Variants in EFCAB3 observed in about 807,000 individuals in gnomAD.
EFCAB3 encodes the protein EF-hand calcium binding domain 3, also known as EF-hand calcium-binding domain-containing protein 3.
A neutral mutation model predicts 42.2 loss-of-function variants in EFCAB3; 36 were observed. The ratio of observed to expected loss-of-function variants is 0.85; its 90% CI spans 0.65 to 1.13. EFCAB3 has a LOEUF of 1.13. Among genes scored for constraint, EFCAB3 ranks in the 50% most tolerant of loss-of-function variants. The probability of loss-of-function intolerance (pLI) is 0.00; values close to 1 mark genes in which losing one functional copy is unlikely to be tolerated. For synonymous variants in EFCAB3, 170 were observed against 172.8 expected (o/e 0.98, Z 0.13); for missense variants, 418 against 505.1 (o/e 0.83, Z 1.65).
intron 6 of EFCAB3, among the ~76,000 whole-genome samples, chr17:62,396,959 T>C (rs1809081): frequency 0.062 from 9,379 of 152,240 alleles, 976 homozygotes; most frequent in East Asian, 0.45. Flanking sequence ...CTAATTAGTA[T>C]ATACTATCAT....
intron 1 of EFCAB3, among the ~76,000 whole-genome samples, chr17:62,370,642 G>A (rs1402725341): frequency 1.3e-5 from 2 of 150,748 alleles, no homozygotes; most frequent in African/African-American, 2.4e-5. Context: ...GGCAACAAGA[G>A]CGAAACTCTG....
Position 62,394,495 on chromosome 17 carries a change from T to A in EFCAB3, c.368-573T>A, listed in dbSNP as rs150819362. Among the ~76,000 whole-genome samples, 426 of 152,324 alleles carry A rather than the reference T, an allele frequency of 2.8e-3. 2 individuals carry two copies. Among genetic ancestry groups the A allele is most frequent in the Non-Finnish European group, 4.4e-3 (297 of 68,036 alleles). ...TAAGGTGTCACGTGCTTCCACTAAC[T>A]AATAGAAAATAATTTTTCTATTATT... is the stretch of plus-strand genomic sequence containing the variant. On this transcript the variant is annotated intron_variant, in intron 5 of 9. Transcript: ENST00000305286.
At position 62,383,272 on chromosome 17, in the gene EFCAB3, G is replaced by A. The variant is rs868015897; in HGVS notation, c.74+219G>A. The A allele has an allele frequency of 1.8e-4, 70 of 391,852 alleles. 1 individual carries two copies. In the South Asian group the frequency reaches 2.9e-3, roughly 16 times the overall value. The allele number at this position is 391,852 out of a possible 1,614,324, so 24.3% of individuals were successfully genotyped here. A position where few individuals can be genotyped will look rare whatever the true frequency, so the allele number is the denominator to read the frequency against. ...GGGCGGATCATGAGGTCAAGAGATCGAGACCATCCTGGCCAACATGGTGAA... is the reference window on the plus strand; with the variant it reads ...GGGCGGATCATGAGGTCAAGAGATCAAGACCATCCTGGCCAACATGGTGAA... On this transcript the variant is annotated intron_variant, in intron 2 of 9. Coordinates refer to ENST00000305286, the MANE Select transcript of EFCAB3 (RefSeq NM_173503.4).
intron 8 of EFCAB3, among the ~76,000 whole-genome samples, chr17:62,408,830 G>C (rs1472929505): frequency 6.6e-6 from 1 of 152,130 alleles, no homozygotes; most frequent in Non-Finnish European, 1.5e-5. Context: ...GACTAGACGT[G>C]CTCTCACATC....
intron 9 of EFCAB3, among the ~76,000 whole-genome samples, chr17:62,415,064 A>G (rs1234612373): frequency 6.6e-6 from 1 of 151,960 alleles, no homozygotes; most frequent in Non-Finnish European, 1.5e-5. Context: ...AGATCGTACT[A>G]CTGCAGTCCA....
chr17:62,414,600 T>C (rs1222268441), intron 9 of EFCAB3, among the ~76,000 whole-genome samples: 1 of 152,088 alleles, frequency 6.6e-6, no homozygotes, highest in Non-Finnish European at 1.5e-5. Context: ...TGTGTGTGTG[T>C]GTGTGTGTGT....
At chr17:62,389,216 G>T (rs902894959) in intron 3 of EFCAB3, among the ~76,000 whole-genome samples, 4 of 152,244 alleles carry the variant, frequency 2.6e-5, no homozygotes, top group African/African-American at 9.6e-5. Flanking sequence ...GTCCCTAGTT[G>T]TCTGGTACCT....
At chr17:62,372,395 C>T (rs1441327014) in intron 1 of EFCAB3, among the ~76,000 whole-genome samples, 1 of 152,050 alleles carries the variant, frequency 6.6e-6, no homozygotes, top group East Asian at 1.9e-4. Flanking sequence ...TGTCCTCCTA[C>T]CTCAGCCTCC....
intron 9 of EFCAB3, among the ~76,000 whole-genome samples, chr17:62,415,434 ATAAGAT>A (rs1443111659): frequency 1.3e-5 from 2 of 152,190 alleles, no homozygotes; most frequent in African/African-American, 2.4e-5. Context: ...TTACTGACTT[ATAAGAT>A]TAAGTGTAAG....
intron 6 of EFCAB3, among the ~76,000 whole-genome samples, chr17:62,402,595 T>G (rs2070413392): frequency 6.6e-6 from 1 of 152,196 alleles, no homozygotes; most frequent in African/African-American, 2.4e-5. Context: ...GTTATGTTTA[T>G]TGATTTGCAT....
rs535880612 is a variant in EFCAB3 at position 62,381,704 on chromosome 17, C to CG, written c.-18+1096dup. The CG allele has an allele frequency of 6.7e-4, 148 of 222,522 alleles. 1 individual carries two copies. Among genetic ancestry groups the CG allele is most frequent in the African/African-American group, 3.3e-3 (145 of 43,390 alleles). 13.8% of individuals were successfully genotyped at this position (222,522 alleles called of 1,614,324 possible). ...TCACCTCCCTCCTGCTGGCTGCCCT[C>CG]GGGGGCAGCACCTCCCTCAGAGCCA... On this transcript the variant is annotated intron_variant, in intron 1 of 9. Transcript: ENST00000305286.
chr17:62,411,819 AGGGAGGG>A (rs772415870), intron 8 of EFCAB3, among the ~76,000 whole-genome samples: 38 of 128,316 alleles, frequency 3.0e-4, no homozygotes, highest in Non-Finnish European at 5.8e-4. Context: ...GGAGGGAGGG[AGGGAGGG>A]AGGAAGGAGG....
At chr17:62,374,604 C>T (rs1420307464) in intron 2 of EFCAB3, among the ~76,000 whole-genome samples, 1 of 152,066 alleles carries the variant, frequency 6.6e-6, no homozygotes, top group Non-Finnish European at 1.5e-5. Context: ...TGCCAAAATG[C>T]CATGTTCCAA....
rs763732831 is a variant in EFCAB3, at chr17:62,413,732, G to C, written c.868G>C (p.Ala290Pro). ...FFHKRDWKTQ[A>P]ANIKSMDPAS... Reference sequence around the variant, plus strand: ...CCTTCTTTTTTAAATATGCATAAAGGCAGCAAATATAAAGTCTATGGACCC... The same window carrying C: ...CCTTCTTTTTTAAATATGCATAAAGCCAGCAAATATAAAGTCTATGGACCC... Residue 290 changes from alanine to proline, a missense_variant and splice_region_variant, in exon 9 of 10, where the codon GCA (alanine) becomes CCA (proline). Coordinates refer to ENST00000305286, the MANE Select transcript of EFCAB3 (RefSeq NM_173503.4). The C allele has an allele frequency of 1.4e-5, 22 of 1,592,538 alleles. No homozygotes were observed. Among genetic ancestry groups the C allele is most frequent in the Non-Finnish European group, 1.9e-5 (22 of 1,170,124 alleles).
intron 6 of EFCAB3, among the ~76,000 whole-genome samples, chr17:62,396,623 T>C (rs966271406): frequency 1.3e-5 from 2 of 151,180 alleles, no homozygotes; most frequent in African/African-American, 4.9e-5. Flanking sequence ...CCAGGCACCA[T>C]GGATCGCACC....
chr17:62,403,127 C>T (rs2070418544), intron 6 of EFCAB3, among the ~76,000 whole-genome samples: 2 of 152,038 alleles, frequency 1.3e-5, no homozygotes, highest in Admixed American at 1.3e-4. Flanking sequence ...TGTGTCCACA[C>T]ATACTTCTAT....
intron 6 of EFCAB3, among the ~76,000 whole-genome samples, chr17:62,404,358 C>T (rs2070430631): frequency 6.6e-6 from 1 of 152,144 alleles, no homozygotes. Context: ...ATTAGCCAGG[C>T]AGGGTGGCTT....
At chr17:62,392,003 G>T (rs188555270) in intron 4 of EFCAB3, 38 bp downstream of exon 4, 10 of 1,563,398 alleles carry the variant, frequency 6.4e-6, no homozygotes, top group African/African-American at 2.7e-5. Context: ...TCTCATAAAA[G>T]ATTTTTGTGA....
At chr17:62,404,093 T>C (rs112040680) in intron 6 of EFCAB3, among the ~76,000 whole-genome samples, 12 of 152,154 alleles carry the variant, frequency 7.9e-5, no homozygotes, top group African/African-American at 2.9e-4. Context: ...TCATAAAAAA[T>C]TACCACAGCC....
Sources: gnomAD v4.1 joint callset for allele counts (sites outside exome capture counted in the v4.1 genomes callset) on GRCh38, gnomAD v4.1.1 for gene constraint, MANE v1.5 for transcripts, NCBI Gene and HGNC (gene_info 2026-07-23, HGNC 2026-07-21) for gene names.